Variants in ADAM10 observed in about 807,000 individuals in gnomAD.
ADAM10 encodes the protein ADAM metallopeptidase domain 10, also known as disintegrin and metalloproteinase domain-containing protein 10.
Under a neutral mutation model 90.1 loss-of-function variants are expected in ADAM10, and 17 were observed. That is an observed-to-expected ratio of 0.19 (90% CI 0.13 to 0.28). The LOEUF (loss-of-function observed/expected upper bound fraction) is 0.28. ADAM10 is among the 10% of genes least tolerant of loss of function. ADAM10 has a pLI of 1.00. For missense variants in ADAM10, 610 were observed against 914.3 expected (o/e 0.67, Z 4.29); for synonymous variants, 310 against 298.6 (o/e 1.04, Z -0.40).
chr15:58,679,670 C>T (rs1186708572), intron 3 of ADAM10, among the ~76,000 whole-genome samples: 1 of 152,156 alleles, frequency 6.6e-6, no homozygotes, highest in East Asian at 1.9e-4. Flanking sequence ...TTTGGGGGGC[C>T]GAGGTGGGCA....
intron 5 of ADAM10, among the ~76,000 whole-genome samples, chr15:58,649,877 A>AT: frequency 6.6e-6 from 1 of 152,142 alleles, no homozygotes; most frequent in Admixed American, 6.5e-5. Context: ...TTGACTCTCC[A>AT]TTTTCCTCCT....
intron 2 of ADAM10, among the ~76,000 whole-genome samples, chr15:58,706,026 A>G (rs1898277136): frequency 6.6e-6 from 1 of 152,222 alleles, no homozygotes; most frequent in South Asian, 2.1e-4. Flanking sequence ...TGGGGAATCT[A>G]GAACCTATCC....
intron 1 of ADAM10, among the ~76,000 whole-genome samples, chr15:58,719,024 C>T (rs1898757025): frequency 6.6e-6 from 1 of 152,158 alleles, no homozygotes; most frequent in African/African-American, 2.4e-5. Context: ...ATGACCAATG[C>T]CTTAAAAACC....
At chr15:58,699,072 G>A (rs1567001281) in intron 2 of ADAM10, among the ~76,000 whole-genome samples, 1 of 152,124 alleles carries the variant, frequency 6.6e-6, no homozygotes, top group Non-Finnish European at 1.5e-5. Context: ...CATTTACAAG[G>A]GAACTCCTAT....
At chr15:58,696,859 C>T (rs529498636) in intron 2 of ADAM10, among the ~76,000 whole-genome samples, 12 of 152,288 alleles carry the variant, frequency 7.9e-5, no homozygotes, top group African/African-American at 2.9e-4. Context: ...GTCCCCTCCA[C>T]TCCTTAGTCC....
chr15:58,673,674 G>C (rs1449570383), intron 4 of ADAM10, among the ~76,000 whole-genome samples: 1 of 151,634 alleles, frequency 6.6e-6, no homozygotes, highest in Non-Finnish European at 1.5e-5. Flanking sequence ...AATATGAAAA[G>C]TCTAAGCATA....
At chr15:58,674,740 C>T (rs1171760926) in intron 4 of ADAM10, among the ~76,000 whole-genome samples, 1 of 152,210 alleles carries the variant, frequency 6.6e-6, no homozygotes, top group Non-Finnish European at 1.5e-5. Context: ...AATGAAGAGG[C>T]CTCCATCTTG....
intron 2 of ADAM10, among the ~76,000 whole-genome samples, chr15:58,696,980 C>A (rs189395555): frequency 5.9e-5 from 9 of 152,248 alleles, no homozygotes; most frequent in Admixed American, 5.2e-4. Context: ...CACTTACATC[C>A]CCACCTACAG....
chr15:58,707,450 T>C (rs867968793), intron 2 of ADAM10: 1 of 150,116 alleles, frequency 6.7e-6, no homozygotes, highest in African/African-American at 2.4e-5. Flanking sequence ...CCGATGGCCC[T>C]GAAGTAAATG....
chr15:58,707,082 G>GT (rs1209737648), intron 2 of ADAM10, among the ~76,000 whole-genome samples: 20 of 46,748 alleles, frequency 4.3e-4, no homozygotes, highest in Admixed American at 1.3e-3. Context: ...TATAAACTTT[G>GT]GGGGGGGGAA....
chr15:58,677,834 T>C (rs1034392428), intron 4 of ADAM10, among the ~76,000 whole-genome samples: 1 of 152,180 alleles, frequency 6.6e-6, no homozygotes, highest in East Asian at 1.9e-4. Flanking sequence ...AGACAAATGA[T>C]ACTTGCAATA....
At chr15:58,671,987 G>C (rs372867738) in intron 4 of ADAM10, among the ~76,000 whole-genome samples, 1 of 151,838 alleles carries the variant, frequency 6.6e-6, no homozygotes, top group Non-Finnish European at 1.5e-5. Context: ...TTCAGTTTCC[G>C]TCATCTTTAG....
In ADAM10 at chr15:58,657,358, T is replaced by C. The variant is rs564803948; in HGVS notation, c.585+7739A>G. ...CCTTTTGAGGCTATTTCCTAGATAT[T>C]ATAGGTGTTCTTCATTCTTTTAGAG... On this transcript the variant is annotated intron_variant, in intron 5 of 15. Transcript: ENST00000260408. Among the ~76,000 whole-genome samples the C allele has an allele frequency of 5.8e-4, 88 of 152,308 alleles. 1 individual carries two copies. The South Asian group carries it at 0.018, about 31-fold the overall frequency.
intron 8 of ADAM10, among the ~76,000 whole-genome samples, chr15:58,636,745 AG>A (rs1490368149): frequency 2.6e-5 from 4 of 152,212 alleles, no homozygotes; most frequent in African/African-American, 9.7e-5. Context: ...AAAAAGTCTT[AG>A]AAAAAAATAC....
chr15:58,626,454 T>C (rs8026646), intron 10 of ADAM10, among the ~76,000 whole-genome samples: 11,144 of 152,124 alleles, frequency 0.073, 1,354 homozygotes, highest in African/African-American at 0.25. Context: ...GGCCTCAGTG[T>C]TTCCCCTAAA....
At chr15:58,599,796 A>C in intron 14 of ADAM10, 72 bp from the exon 15 acceptor site, 1 of 1,478,966 alleles carries the variant, frequency 6.8e-7, no homozygotes, top group South Asian at 1.1e-5. Flanking sequence ...TTTACAGTAT[A>C]TAAAACATAG....
intron 5 of ADAM10, among the ~76,000 whole-genome samples, chr15:58,648,606 A>C (rs1364482069): frequency 1.3e-5 from 2 of 152,164 alleles, no homozygotes; most frequent in Non-Finnish European, 2.9e-5. Context: ...AAATAACATA[A>C]AGGTGTTCAA....
At chr15:58,620,459 G>A (rs185584232) in intron 11 of ADAM10, among the ~76,000 whole-genome samples, 209 of 150,088 alleles carry the variant, frequency 1.4e-3, no homozygotes, top group Non-Finnish European at 2.6e-3. Flanking sequence ...AGGTTTTTCT[G>A]AGACTCCATC....
intron 14 of ADAM10, among the ~76,000 whole-genome samples, chr15:58,602,374 T>C (rs1895134739): frequency 6.6e-6 from 1 of 152,102 alleles, no homozygotes; most frequent in African/African-American, 2.4e-5. Context: ...CCCATGCCAG[T>C]CACTCCTCCA....
Sources: gnomAD v4.1 joint callset for allele counts (sites outside exome capture counted in the v4.1 genomes callset) on GRCh38, gnomAD v4.1.1 for gene constraint, MANE v1.5 for transcripts, NCBI Gene and HGNC (gene_info 2026-07-23, HGNC 2026-07-21) for gene names.